Variants in AFF4 observed in about 807,000 individuals in gnomAD.
The protein encoded by AFF4 is AF4/FMR2 family member 4.
Under a neutral mutation model 124.8 loss-of-function variants are expected in AFF4, and 13 were observed. The observed-to-expected ratio is 0.10, with a 90% CI of 0.07 to 0.17. The LOEUF (loss-of-function observed/expected upper bound fraction) is 0.17, where lower values mean the gene tolerates loss of function less well. Among genes scored for constraint, AFF4 ranks in the 10% least tolerant of loss-of-function variants. The pLI is 1.00. For synonymous variants in AFF4, 477 were observed against 496.1 expected, an observed-to-expected ratio of 0.96 and a Z score of 0.51; for missense variants, 1,092 against 1,403.8, an observed-to-expected ratio of 0.78 and a Z score of 3.55.
intron 20 of AFF4, among the ~76,000 whole-genome samples, chr5:132,882,189 G>A (rs1461100344): frequency 6.7e-6 from 1 of 149,036 alleles, no homozygotes; most frequent in Admixed American, 6.8e-5. Flanking sequence ...TGGGCAGCCT[G>A]GGTGACAGAG....
chr5:132,889,052 C>T, intron 14 of AFF4, 27 bp downstream of exon 14: 1 of 1,575,730 alleles, frequency 6.3e-7, no homozygotes, highest in Non-Finnish European at 8.7e-7. Flanking sequence ...TTCTTAAATA[C>T]AGATACAAAA....
intron 1 of AFF4, among the ~76,000 whole-genome samples, chr5:132,950,875 G>C (rs774147729): frequency 6.6e-6 from 1 of 152,012 alleles, no homozygotes; most frequent in African/African-American, 2.4e-5. Flanking sequence ...TCCATCTCTA[G>C]TGAATCCTAC....
intron 1 of AFF4, among the ~76,000 whole-genome samples, chr5:132,946,733 A>G (rs1268179466): frequency 1.3e-5 from 2 of 152,222 alleles, no homozygotes; most frequent in Non-Finnish European, 2.9e-5. Context: ...AACACTGTGA[A>G]TGTACTTAAT....
intron 5 of AFF4, among the ~76,000 whole-genome samples, chr5:132,909,465 G>C (rs752399696): frequency 3.9e-5 from 6 of 152,202 alleles, no homozygotes; most frequent in Non-Finnish European, 8.8e-5. Flanking sequence ...ACTCTGAAGA[G>C]AGAAGGGGGT....
chr5:132,930,653 AAAAAAT>A (rs886747536), intron 4 of AFF4, among the ~76,000 whole-genome samples: 2 of 152,110 alleles, frequency 1.3e-5, no homozygotes, highest in Non-Finnish European at 2.9e-5. Context: ...AGCTCACAAA[AAAAAAT>A]AAAAAAGAAA....
intron 7 of AFF4, among the ~76,000 whole-genome samples, chr5:132,900,376 GT>G (rs1760519644): frequency 6.6e-6 from 1 of 152,160 alleles, no homozygotes; most frequent in Admixed American, 6.5e-5. Flanking sequence ...GGCCAACAGG[GT>G]GAAACCCTGT....
chr5:132,898,517 T>C lies in AFF4; in HGVS notation c.1227-125A>G, dbSNP rs1393680849. Reference sequence around the variant, plus strand: ...TTTTTTTTTTTAGACGGAGTCTTGCTCTGTGGCCCAGGCTGGAATGCAGTG... The same window carrying C: ...TTTTTTTTTTTAGACGGAGTCTTGCCCTGTGGCCCAGGCTGGAATGCAGTG... On this transcript the variant is annotated intron_variant, in intron 9 of 20. Coordinates refer to ENST00000265343, the MANE Select transcript of AFF4 (RefSeq NM_014423.4). 3.0e-5 allele frequency: 31 copies of C among 1,025,032 alleles called. No individual in the cohort carries two copies. In the East Asian group the frequency reaches 8.2e-4, roughly 27 times the overall value. The allele number at this position is 1,025,032 out of a possible 1,614,324, so 63.5% of individuals were successfully genotyped here.
At chr5:132,927,511 T>C (rs1193508174) in intron 4 of AFF4, 2 of 279,786 alleles carry the variant, frequency 7.1e-6, no homozygotes, top group African/African-American at 4.6e-5. Flanking sequence ...CAGGAAGAGC[T>C]TGCTAGGAGA....
At chr5:132,926,244 G>T in intron 5 of AFF4, 1 of 482,410 alleles carries the variant, frequency 2.1e-6, no homozygotes, top group Non-Finnish European at 4.2e-6. Flanking sequence ...TTGGGATGAA[G>T]GGGACGGAAT....
intron 1 of AFF4, among the ~76,000 whole-genome samples, chr5:132,960,770 A>G (rs1377071504): frequency 6.6e-6 from 1 of 152,222 alleles, no homozygotes; most frequent in African/African-American, 2.4e-5. Flanking sequence ...TGTGTAAAAT[A>G]CTGAGGAAGA....
rs934679380 is a variant in AFF4, at chr5:132,932,890, C to T, written c.919-668G>A. On this transcript the variant is annotated intron_variant, in intron 3 of 20. Coordinates refer to ENST00000265343, the MANE Select transcript of AFF4 (RefSeq NM_014423.4). Reference sequence around the variant, plus strand: ...TGTTGTTTAAGGAAAGAACAAATTACCATTTTACTGTTCTCTTGAGAGGAG... The same window carrying T: ...TGTTGTTTAAGGAAAGAACAAATTATCATTTTACTGTTCTCTTGAGAGGAG... 8.5e-5 allele frequency among the ~76,000 whole-genome samples: 13 copies of T among 152,298 alleles called. No homozygotes were observed. In the East Asian group the frequency reaches 2.3e-3, roughly 27 times the overall value.
rs1561481723 is a variant in AFF4 at position 132,891,009 on chromosome 5, T to TTAATAAATTAATTAATTAAATTAAA, written c.2637+1130_2637+1154dup. ...ATTTAAAAGCAAATAAATAAATTAA[T>TTAATAAATTAATTAATTAAATTAAA]TAATAAATTAATTAATTAAATTAAA... is the stretch of plus-strand genomic sequence containing the variant. On this transcript the variant is annotated intron_variant, in intron 13 of 20. Transcript: ENST00000265343. 4.6e-5 allele frequency among the ~76,000 whole-genome samples: 7 copies of TTAATAAATTAATTAATTAAATTAAA among 151,320 alleles called. No homozygotes were observed. The South Asian group carries it at 6.2e-4, about 13-fold the overall frequency.
chr5:132,930,835 G>C (rs1761280936), intron 4 of AFF4, among the ~76,000 whole-genome samples: 1 of 151,432 alleles, frequency 6.6e-6, no homozygotes. Context: ...GGCTGGGCGT[G>C]GTGGCTCATA....
At chr5:132,931,671 C>T (rs1290261259) in intron 4 of AFF4, among the ~76,000 whole-genome samples, 16 of 152,168 alleles carry the variant, frequency 1.1e-4, no homozygotes, top group Admixed American at 9.8e-4. Context: ...AAGCAAAGAA[C>T]GCGGCCAGGC....
intron 5 of AFF4, among the ~76,000 whole-genome samples, chr5:132,905,276 A>G (rs1330793171): frequency 6.6e-6 from 1 of 152,186 alleles, no homozygotes; most frequent in African/African-American, 2.4e-5. Flanking sequence ...TTAGTGAAAC[A>G]TGGCTTTCCA....
intron 4 of AFF4, among the ~76,000 whole-genome samples, chr5:132,930,165 A>C (rs1397325749): frequency 6.6e-6 from 1 of 152,196 alleles, no homozygotes; most frequent in East Asian, 1.9e-4. Context: ...GCTAAGAAGC[A>C]ATTAAGAGAC....
At chr5:132,949,372 T>C (rs1761776768) in intron 1 of AFF4, among the ~76,000 whole-genome samples, 1 of 152,138 alleles carries the variant, frequency 6.6e-6, no homozygotes, top group Non-Finnish European at 1.5e-5. Flanking sequence ...GAATAAATTA[T>C]TTTTCTGCTT....
intron 4 of AFF4, among the ~76,000 whole-genome samples, chr5:132,928,112 A>C (rs1261718093): frequency 1.3e-5 from 2 of 152,194 alleles, no homozygotes; most frequent in Non-Finnish European, 2.9e-5. Context: ...ACAGTTTTGT[A>C]AAGATATACG....
At chr5:132,941,299 G>A (rs1474661347) in intron 1 of AFF4, among the ~76,000 whole-genome samples, 2 of 151,980 alleles carry the variant, frequency 1.3e-5, no homozygotes, top group African/African-American at 4.8e-5. Context: ...ATAGCTATGA[G>A]AATACAGGAA....
Sources: gnomAD v4.1 joint callset for allele counts (sites outside exome capture counted in the v4.1 genomes callset) on GRCh38, gnomAD v4.1.1 for gene constraint, MANE v1.5 for transcripts, NCBI Gene and HGNC (gene_info 2026-07-23, HGNC 2026-07-21) for gene names.